Variants in EIF2AK4 observed in about 807,000 individuals in gnomAD.
EIF2AK4 encodes eIF-2-alpha kinase GCN2.
EIF2AK4 carries 139 observed loss-of-function variants against 211.1 expected under a neutral mutation model. The observed-to-expected ratio is 0.66, with a 90% CI of 0.57 to 0.76. The LOEUF (loss-of-function observed/expected upper bound fraction) is 0.76. Ranked by LOEUF, EIF2AK4 falls within the 30% of genes least tolerant of loss-of-function variation. The probability of loss-of-function intolerance (pLI) is 0.00; values close to 1 mark genes in which losing one functional copy is unlikely to be tolerated. For synonymous variants in EIF2AK4, 710 were observed against 751.3 expected (o/e 0.94, Z 0.90); for missense variants, 1,664 against 2,043.8 (o/e 0.81, Z 3.58).
rs10550245 is a variant in EIF2AK4, at chr15:39,969,356, C to CTTT, written c.1553+1497_1553+1499dup. Among the ~76,000 whole-genome samples, 390 of 101,264 alleles carry CTTT rather than the reference C, an allele frequency of 3.9e-3. 1 individual carries two copies. The highest frequency in any genetic ancestry group is 4.4e-3 in the African/African-American group (106 of 24,344). The allele number at this position is 101,264 out of a possible 152,430, so 66.4% of individuals were successfully genotyped here. On this transcript the variant is annotated intron_variant, in intron 9 of 38. Coordinates refer to ENST00000263791, the MANE Select transcript of EIF2AK4 (RefSeq NM_001013703.4). ...CTTGAGATCAGCACAATTTCTTATTCTTTTTTTTTTTTTTTTTTTTTTGAG... is the reference window on the plus strand; with the variant it reads ...CTTGAGATCAGCACAATTTCTTATTCTTTTTTTTTTTTTTTTTTTTTTTTTGAG...
chr15:39,996,003 C>G (rs1007564496), intron 18 of EIF2AK4, among the ~76,000 whole-genome samples: 1 of 152,184 alleles, frequency 6.6e-6, no homozygotes, highest in Non-Finnish European at 1.5e-5. Context: ...TTGACCAGCA[C>G]CTCCCCTTGA....
intron 13 of EIF2AK4, 124 bp downstream of exon 13, chr15:39,978,271 A>G (rs947822438): frequency 2.2e-6 from 1 of 453,486 alleles, no homozygotes; most frequent in African/African-American, 2.0e-5. Context: ...ATAAATTTTA[A>G]AAGATGATTA....
intron 11 of EIF2AK4, chr15:39,974,029 C>G: frequency 4.2e-6 from 1 of 237,894 alleles, no homozygotes. Context: ...AAGACCTCCA[C>G]AGAAAGAACA....
At chr15:39,973,560 T>A (rs1386367893) in intron 10 of EIF2AK4, 32 bp from the exon 11 acceptor site, 10 of 1,586,290 alleles carry the variant, frequency 6.3e-6, no homozygotes, top group Admixed American at 1.7e-5. Flanking sequence ...TTCCAATGCC[T>A]CATGTGCCTC....
chr15:39,961,062 G>T (rs2034465007), intron 6 of EIF2AK4, among the ~76,000 whole-genome samples: 1 of 152,060 alleles, frequency 6.6e-6, no homozygotes, highest in Non-Finnish European at 1.5e-5. Flanking sequence ...CTAATTTATT[G>T]TTTTTGCATT....
chr15:40,029,399 T>A lies in EIF2AK4; in HGVS notation c.4503-7T>A. 1 of 1,612,598 alleles carries A rather than the reference T, an allele frequency of 6.2e-7. No homozygotes were observed. On this transcript the variant is annotated splice_polypyrimidine_tract_variant and splice_region_variant and intron_variant, in intron 33 of 38. Coordinates refer to ENST00000263791, the MANE Select transcript of EIF2AK4 (RefSeq NM_001013703.4). ...TTCTTTAATTGTTTTTGTTTGCTTG[T>A]TTTTAGAGAAGCTTCCGATAATCTT...
At chr15:39,954,012 T>C in intron 5 of EIF2AK4, 28 bp downstream of exon 5, 3 of 1,532,522 alleles carry the variant, frequency 2.0e-6, no homozygotes, top group Non-Finnish European at 2.6e-6. Context: ...CCATAATAAT[T>C]TACATTTTGC....
chr15:40,017,258 T>C lies in EIF2AK4; in HGVS notation c.4065+16T>C. On this transcript the variant is annotated intron_variant, in intron 29 of 38. Transcript: ENST00000263791. ...TGACCTGCTGGTGAGGGCTTGCCCT[T>C]TATTTATTTGCTCTGACTTAATTTT... is the stretch of plus-strand genomic sequence containing the variant. 1 of 1,591,276 alleles carries C rather than the reference T, an allele frequency of 6.3e-7. No individual in the cohort carries two copies. Among genetic ancestry groups the C allele is most frequent in the Non-Finnish European group, 8.6e-7 (1 of 1,162,788 alleles).
At chr15:39,995,913 C>G in intron 18 of EIF2AK4, among the ~76,000 whole-genome samples, 1 of 152,116 alleles carries the variant, frequency 6.6e-6, no homozygotes. Flanking sequence ...GAATACAATG[C>G]GTTATTATTA....
rs760623729 is a variant in EIF2AK4, at chr15:39,997,075, A to G, written c.2868+10A>G. 6 of 1,587,386 alleles carry G rather than the reference A, an allele frequency of 3.8e-6. 1 individual carries two copies. In the South Asian group the frequency reaches 6.6e-5, roughly 18 times the overall value. ...CAACCAACTCAGAGATGTATGTATC[A>G]GGTGTTTTAGTGCCTACATTTTCAG... On this transcript the variant is annotated intron_variant, in intron 19 of 38. Coordinates refer to ENST00000263791, the MANE Select transcript of EIF2AK4 (RefSeq NM_001013703.4).
rs186438414 is a variant in EIF2AK4 at position 40,022,678 on chromosome 15, G to A, written c.4389+73G>A. On this transcript the variant is annotated intron_variant, in intron 32 of 38. Transcript: ENST00000263791. ...GTGGAGCACCTGCCTTCACACTGAG[G>A]CCCGGGCCGTGTAGGTGACTGGAAA... 161 of 1,360,826 alleles carry A rather than the reference G, an allele frequency of 1.2e-4. No individual in the cohort carries two copies. In the East Asian group the frequency reaches 3.1e-3, roughly 26 times the overall value. The allele number at this position is 1,360,826 out of a possible 1,614,324, so 84.3% of individuals were successfully genotyped here.
At chr15:40,024,699 C>CT (rs2035441725) in intron 32 of EIF2AK4, among the ~76,000 whole-genome samples, 1 of 111,902 alleles carries the variant, frequency 8.9e-6, no homozygotes, top group Non-Finnish European at 2.0e-5. Flanking sequence ...CGCCCAGCCT[C>CT]CTTTTTTTTT....
intron 3 of EIF2AK4, among the ~76,000 whole-genome samples, chr15:39,947,359 TA>T (rs2034243514): frequency 6.6e-6 from 1 of 152,236 alleles, no homozygotes; most frequent in Non-Finnish European, 1.5e-5. Flanking sequence ...TGAATGGAAA[TA>T]AGTACTCAAA....
intron 14 of EIF2AK4, 72 bp from the exon 15 acceptor site, chr15:39,987,911 T>G: frequency 6.5e-7 from 1 of 1,539,586 alleles, no homozygotes; most frequent in South Asian, 1.2e-5. Context: ...TGGAGGATTA[T>G]GTAAATTGCA....
chr15:39,995,435 T>C (rs1173876799), intron 18 of EIF2AK4, among the ~76,000 whole-genome samples: 1 of 145,314 alleles, frequency 6.9e-6, no homozygotes, highest in Non-Finnish European at 1.6e-5. Flanking sequence ...TGCACCTCTG[T>C]GCCCCTGACC....
In EIF2AK4 at chr15:40,017,237, C is replaced by T; in HGVS notation, c.4060C>T (p.Leu1354=). The T allele has an allele frequency of 6.2e-7, 1 of 1,612,156 alleles. No individual in the cohort carries two copies. The highest frequency in any genetic ancestry group is 1.1e-5 in the South Asian group (1 of 90,980). The change falls in exon 29 of 39, where the codon CTG becomes TTG. Residue 1354 remains leucine (L), a synonymous_variant. Transcript: ENST00000263791. ...CCTCGCAGCTGGAGGCAGATATGAC[C>T]TGCTGGTGAGGGCTTGCCCTTTATT... is the stretch of plus-strand genomic sequence containing the variant. ...EILAAGGRYD[L]LIPQFRGPQA...
chr15:39,944,365 C>T (rs2034192106), intron 3 of EIF2AK4, among the ~76,000 whole-genome samples: 1 of 151,818 alleles, frequency 6.6e-6, no homozygotes, highest in Admixed American at 6.6e-5. Context: ...AAGTATAACG[C>T]TTCTTTGCCC....
At chr15:40,016,351 C>T in intron 27 of EIF2AK4, 151 bp from the exon 28 acceptor site, 2 of 910,108 alleles carry the variant, frequency 2.2e-6, no homozygotes. Flanking sequence ...AATCCTTAGT[C>T]AGGATTGTGG....
intron 27 of EIF2AK4, among the ~76,000 whole-genome samples, chr15:40,013,911 A>G (rs2035271340): frequency 6.6e-6 from 1 of 152,224 alleles, no homozygotes; most frequent in Admixed American, 6.5e-5. Context: ...CCAAAGTCTC[A>G]TCTGAAACAA....
Sources: gnomAD v4.1 joint callset for allele counts (sites outside exome capture counted in the v4.1 genomes callset) on GRCh38, gnomAD v4.1.1 for gene constraint, MANE v1.5 for transcripts, NCBI Gene and HGNC (gene_info 2026-07-23, HGNC 2026-07-21) for gene names.